The following UGP2 variants were observed in gnomAD, a reference collection of about 807,000 sequenced individuals.
UGP2 encodes the protein UDP-glucose pyrophosphorylase 2.
UGP2 carries 40 observed loss-of-function variants against 49.0 expected under a neutral mutation model. The ratio of observed to expected loss-of-function variants is 0.82; its 90% confidence interval spans 0.63 to 1.06. The LOEUF (loss-of-function observed/expected upper bound fraction) is 1.06. UGP2 is among the 50% of genes least tolerant of loss of function. UGP2 has a pLI of 0.00. For missense variants in UGP2, 460 were observed against 603.5 expected (o/e 0.76, Z 2.49); for synonymous variants, 225 against 213.0 (o/e 1.06, Z -0.49).
Position 63,887,595 on chromosome 2 carries a change from G to C in UGP2, c.1265G>C (p.Arg422Pro), listed in dbSNP as rs756472815. 6.2e-7 allele frequency: 1 copy of C among 1,614,096 alleles called. No individual in the cohort carries two copies. Reference sequence around the variant, plus strand: ...GGATCTCTGACAATGAGTGAAAAGCGGGAATTTCCTACAGTGCCCTTGGTT... The same window carrying C: ...GGATCTCTGACAATGAGTGAAAAGCCGGAATTTCCTACAGTGCCCTTGGTT... ...NAGSLTMSEK[R>P]EFPTVPLVKL... The change falls in exon 8 of 10, where the codon CGG becomes CCG. Residue 422 changes from arginine to proline, a missense_variant. Arg to Pro is a moderately radical substitution (Grantham distance 103). Transcript: ENST00000337130.
At chr2:63,870,697 C>T (rs1385569455) in intron 3 of UGP2, among the ~76,000 whole-genome samples, 5 of 152,176 alleles carry the variant, frequency 3.3e-5, no homozygotes, top group Non-Finnish European at 5.9e-5. Context: ...CGCTTATTCA[C>T]AAATGTTTGA....
At chr2:63,853,285 G>C (rs374056120) in intron 1 of UGP2, among the ~76,000 whole-genome samples, 2 of 152,034 alleles carry the variant, frequency 1.3e-5, no homozygotes, top group East Asian at 1.9e-4. Flanking sequence ...AGCTTGAATT[G>C]GTTGTAAATC....
At chr2:63,864,852 A>T (rs1201680667) in intron 3 of UGP2, among the ~76,000 whole-genome samples, 3 of 152,224 alleles carry the variant, frequency 2.0e-5, no homozygotes, top group African/African-American at 7.2e-5. Context: ...ATATTTATTG[A>T]CTAGCTACTG....
intron 3 of UGP2, among the ~76,000 whole-genome samples, chr2:63,874,866 A>G (rs899055191): frequency 2.0e-5 from 3 of 151,456 alleles, no homozygotes; most frequent in African/African-American, 7.3e-5. Context: ...GCCTTCCACT[A>G]TGAGTGGAAG....
At chr2:63,850,082 C>G (rs1668948243) in intron 1 of UGP2, among the ~76,000 whole-genome samples, 1 of 152,058 alleles carries the variant, frequency 6.6e-6, no homozygotes, top group South Asian at 2.1e-4. Flanking sequence ...TCTGAATGTT[C>G]TGTTTTCCAT....
intron 1 of UGP2, among the ~76,000 whole-genome samples, chr2:63,844,811 C>T (rs1280314057): frequency 2.0e-5 from 3 of 152,176 alleles, no homozygotes; most frequent in Non-Finnish European, 4.4e-5. Context: ...ATCTTCTAGC[C>T]TCAGCCTCCC....
intron 1 of UGP2, among the ~76,000 whole-genome samples, chr2:63,853,076 A>C (rs1182466731): frequency 6.6e-6 from 1 of 152,122 alleles, no homozygotes; most frequent in East Asian, 1.9e-4. Flanking sequence ...TGAGGAGAAA[A>C]AATGGTCTGG....
At chr2:63,890,011 T>G in intron 8 of UGP2, 70 bp from the exon 9 acceptor site, 1 of 1,217,050 alleles carries the variant, frequency 8.2e-7, no homozygotes, top group South Asian at 1.3e-5. Flanking sequence ...TAAACTTTCT[T>G]GTTAATATTT....
In UGP2 at chr2:63,874,775, T is replaced by TA. The variant is rs778160862; in HGVS notation, c.256-7678dup. On this transcript the variant is annotated intron_variant, in intron 3 of 9. Coordinates refer to ENST00000337130, the MANE Select transcript of UGP2 (RefSeq NM_006759.4). ...TTAGTTATAGTGAGAACTGATTGTT[T>TA]AAAAAAAAAAAAAGCCTGGTACCTC... is the stretch of plus-strand genomic sequence containing the variant. Among the ~76,000 whole-genome samples the TA allele has an allele frequency of 1.9e-3, 263 of 141,156 alleles. 1 individual carries two copies. The South Asian group carries it at 0.027, about 14-fold the overall frequency. 92.6% of individuals were successfully genotyped at this position (141,156 alleles called of 152,430 possible).
chr2:63,841,911 G>C lies in UGP2; in HGVS notation c.-275G>C, dbSNP rs949798537. On this transcript the variant is annotated 5_prime_UTR_variant, in exon 1 of 10. Transcript: ENST00000337130. Reference sequence around the variant, plus strand: ...TACCTTTTCCGGGAGTCTCCAGCTGGCCCTCATTTGTGTCCGGAGCTCAGG... The same window carrying C: ...TACCTTTTCCGGGAGTCTCCAGCTGCCCCTCATTTGTGTCCGGAGCTCAGG... 7.5e-6 allele frequency: 3 copies of C among 401,912 alleles called. No individual in the cohort carries two copies. In the South Asian group the frequency reaches 1.8e-4, roughly 24 times the overall value. 24.9% of individuals were successfully genotyped at this position (401,912 alleles called of 1,614,324 possible).
chr2:63,846,075 C>G (rs1671909465), intron 1 of UGP2: 1 of 152,190 alleles, frequency 6.6e-6, no homozygotes, highest in South Asian at 2.1e-4. Context: ...TAATTCCTAG[C>G]TATTCTGCTG....
intron 1 of UGP2, among the ~76,000 whole-genome samples, chr2:63,853,173 G>A (rs1669153616): frequency 6.6e-6 from 1 of 152,082 alleles, no homozygotes; most frequent in Non-Finnish European, 1.5e-5. Flanking sequence ...AAAAGATATA[G>A]GATACACTTG....
At chr2:63,879,999 T>G (rs540399977) in intron 3 of UGP2, among the ~76,000 whole-genome samples, 1 of 152,260 alleles carries the variant, frequency 6.6e-6, no homozygotes, top group Non-Finnish European at 1.5e-5. Flanking sequence ...TGCTAGGAAG[T>G]GAAAAATAAC....
At chr2:63,857,572 C>G (rs768838656) in intron 2 of UGP2, 18 of 511,286 alleles carry the variant, frequency 3.5e-5, no homozygotes, top group Admixed American at 6.8e-5. Flanking sequence ...GCCATATTGC[C>G]GAGGCTGGTC....
intron 1 of UGP2, among the ~76,000 whole-genome samples, chr2:63,847,878 A>G (rs1054586175): frequency 1.3e-5 from 2 of 152,190 alleles, no homozygotes; most frequent in African/African-American, 4.8e-5. Context: ...GTCACAGGGG[A>G]TGCAATGGCT....
At chr2:63,845,295 A>G (rs1257261756) in intron 1 of UGP2, among the ~76,000 whole-genome samples, 12 of 152,280 alleles carry the variant, frequency 7.9e-5, no homozygotes, top group Middle Eastern at 6.8e-3. Context: ...CCTCAGGGTT[A>G]TTGAGAGGCT....
At position 63,842,107 on chromosome 2, in the gene UGP2, AG is replaced by A; in HGVS notation, c.-77del. Reference sequence around the variant, plus strand: ...AATACATCGGTTGTTAAAGCAGGAGAGGAAGAGAGACCTGCCCTGTAGCGTG... The same window carrying A: ...AATACATCGGTTGTTAAAGCAGGAGAGAAGAGAGACCTGCCCTGTAGCGTG... On this transcript the variant is annotated 5_prime_UTR_variant, in exon 1 of 10. Coordinates refer to ENST00000337130, the MANE Select transcript of UGP2 (RefSeq NM_006759.4). 6.6e-7 allele frequency: 1 copy of A among 1,511,398 alleles called. No homozygotes were observed. The highest frequency in any genetic ancestry group is 2.3e-5 in the East Asian group (1 of 44,394). The allele number at this position is 1,511,398 out of a possible 1,614,324, so 93.6% of individuals were successfully genotyped here.
At chr2:63,873,130 T>C (rs1670670888) in intron 3 of UGP2, among the ~76,000 whole-genome samples, 1 of 152,260 alleles carries the variant, frequency 6.6e-6, no homozygotes, top group Non-Finnish European at 1.5e-5. Flanking sequence ...TTCTGGTGTT[T>C]GTAGCACAGG....
intron 2 of UGP2, chr2:63,856,819 G>T: frequency 2.2e-6 from 1 of 458,968 alleles, no homozygotes; most frequent in Non-Finnish European, 4.4e-6. Flanking sequence ...ATGCTACTTT[G>T]ACAATTGTCA....
Sources: gnomAD v4.1 joint callset for allele counts (sites outside exome capture counted in the v4.1 genomes callset) on GRCh38, gnomAD v4.1.1 for gene constraint, MANE v1.5 for transcripts, NCBI Gene and HGNC (gene_info 2026-07-23, HGNC 2026-07-21) for gene names.